HVCN1: variants seen among roughly 807,000 people sequenced by gnomAD.
HVCN1 encodes voltage-gated hydrogen channel 1.
Under a neutral mutation model 29.2 loss-of-function variants are expected in HVCN1, and 14 were observed. The ratio of observed to expected loss-of-function variants is 0.48; its 90% CI spans 0.32 to 0.75. HVCN1 has a LOEUF of 0.75. Among genes scored for constraint, HVCN1 ranks in the 30% least tolerant of loss-of-function variants. The probability of loss-of-function intolerance (pLI) is 0.04; values close to 1 mark genes in which losing one functional copy is unlikely to be tolerated. For missense variants in HVCN1, 263 were observed against 341.8 expected, an observed-to-expected ratio of 0.77 and a Z score of 1.82; for synonymous variants, 131 against 133.2, an observed-to-expected ratio of 0.98 and a Z score of 0.11.
chr12:110,666,707 C>T (rs2068373586), intron 3 of HVCN1, among the ~76,000 whole-genome samples: 1 of 152,144 alleles, frequency 6.6e-6, no homozygotes, highest in Non-Finnish European at 1.5e-5. Context: ...ACCTGGAATA[C>T]TCTTCTCCCC....
At chr12:110,653,537 A>T (rs2067883603) in intron 5 of HVCN1, among the ~76,000 whole-genome samples, 1 of 151,818 alleles carries the variant, frequency 6.6e-6, no homozygotes, top group Non-Finnish European at 1.5e-5. Flanking sequence ...GTTTGAAAAA[A>T]ACTGCCATTA....
intron 2 of HVCN1, among the ~76,000 whole-genome samples, chr12:110,699,713 G>A (rs558878547): frequency 1.3e-5 from 2 of 152,224 alleles, no homozygotes; most frequent in South Asian, 2.1e-4. Flanking sequence ...TCTCCTGGCC[G>A]TGTGCCAGGC....
At chr12:110,684,071 T>C (rs78269717) in intron 2 of HVCN1, among the ~76,000 whole-genome samples, 291 of 151,956 alleles carry the variant, frequency 1.9e-3, no homozygotes, top group African/African-American at 5.6e-3. Context: ...CGGAACAGGA[T>C]ATGAAATGTC....
In HVCN1 at chr12:110,661,371, G is replaced by A. The variant is rs199988627; in HGVS notation, c.99C>T (p.Asp33=). Reference sequence around the variant, plus strand: ...AGTTGATGTTCCAGGCATGGTAGTCGTCTCCCACGACCGTGAAGTGCCTTA... The same window carrying A: ...AGTTGATGTTCCAGGCATGGTAGTCATCTCCCACGACCGTGAAGTGCCTTA... ...KFLRHFTVVG[D]DYHAWNINYK... is the part of the protein sequence containing the mutation. Residue 33 remains aspartate (D), a synonymous_variant, in exon 4 of 8, where the codon GAC becomes GAT. Coordinates refer to ENST00000242607, the MANE Select transcript of HVCN1 (RefSeq NM_032369.4). The surrounding 1 kb of genome is among the most constrained non-coding windows in gnomAD (Gnocchi z 6.2). 30 of 1,614,140 alleles carry A rather than the reference G, an allele frequency of 1.9e-5. 1 individual carries two copies. Among genetic ancestry groups the A allele is most frequent in the South Asian group, 1.5e-4 (14 of 91,078 alleles).
At chr12:110,681,807 C>T (rs2032165344) in intron 3 of HVCN1, among the ~76,000 whole-genome samples, 1 of 152,152 alleles carries the variant, frequency 6.6e-6, no homozygotes, top group African/African-American at 2.4e-5. Flanking sequence ...TCAAGATGAA[C>T]AGCTGATGTG....
chr12:110,657,508 G>GAAAAAAAAAAA (rs529473919), intron 4 of HVCN1, among the ~76,000 whole-genome samples: 1 of 87,146 alleles, frequency 1.1e-5, no homozygotes, highest in Admixed American at 1.3e-4. Flanking sequence ...AAAGAAAAAA[G>GAAAAAAAAAAA]AAAAAAAAAA....
At chr12:110,678,854 C>G (rs1401133430) in intron 3 of HVCN1, among the ~76,000 whole-genome samples, 1 of 152,178 alleles carries the variant, frequency 6.6e-6, no homozygotes, top group Non-Finnish European at 1.5e-5. Context: ...CACGCTTTGC[C>G]TATTTCCCTG....
At chr12:110,691,890 C>A (rs893850486), upstream of HVCN1, among the ~76,000 whole-genome samples, 1 of 152,194 alleles carries the variant, frequency 6.6e-6, no homozygotes, top group African/African-American at 2.4e-5. Flanking sequence ...TGGCCTGGAA[C>A]CTGGGGCCAC....
chr12:110,654,911 C>G (rs1312639817), intron 5 of HVCN1, among the ~76,000 whole-genome samples: 3 of 152,126 alleles, frequency 2.0e-5, no homozygotes, highest in African/African-American at 4.8e-5. Flanking sequence ...CCTGATGGCC[C>G]AGCAAGGGGA....
chr12:110,674,117 G>A (rs531911882), intron 3 of HVCN1, among the ~76,000 whole-genome samples: 1 of 152,358 alleles, frequency 6.6e-6, no homozygotes, highest in Admixed American at 6.5e-5. Flanking sequence ...AAGACTATGG[G>A]AACCTACCTC....
chr12:110,692,462 G>A (rs1454761679), upstream of HVCN1, among the ~76,000 whole-genome samples: 1 of 152,220 alleles, frequency 6.6e-6, no homozygotes, highest in Non-Finnish European at 1.5e-5. Context: ...GCTCACACCT[G>A]TAGTCTGAGC....
intron 3 of HVCN1, among the ~76,000 whole-genome samples, chr12:110,668,834 G>A (rs1447885760): frequency 2.0e-5 from 3 of 152,164 alleles, no homozygotes; most frequent in South Asian, 2.1e-4. Flanking sequence ...CCTGCCTGAC[G>A]GTCCCACACT....
chr12:110,694,531 G>A (rs1593551562), upstream of HVCN1, among the ~76,000 whole-genome samples: 1 of 152,216 alleles, frequency 6.6e-6, no homozygotes, highest in South Asian at 2.1e-4. This position sits in a 1 kb window ranked among gnomAD's most constrained non-coding sequence, Gnocchi z 4.6. Flanking sequence ...AGTTATCAAC[G>A]GCTACAGTTG....
upstream of HVCN1, among the ~76,000 whole-genome samples, chr12:110,692,598 C>G (rs1375623401): frequency 6.6e-6 from 1 of 152,028 alleles, no homozygotes; most frequent in Non-Finnish European, 1.5e-5. Context: ...GTGGTGTGCC[C>G]CTGTAGTCCC....
intron 2 of HVCN1, among the ~76,000 whole-genome samples, chr12:110,687,265 C>CA (rs1285277226): frequency 6.7e-6 from 1 of 150,328 alleles, no homozygotes; most frequent in Non-Finnish European, 1.5e-5. Context: ...ACACCCCCCC[C>CA]CCCCAGCTAA....
chr12:110,649,204 A>G lies in HVCN1; in HGVS notation c.*206T>C, dbSNP rs2067661578. 1.5e-6 allele frequency: 1 copy of G among 682,294 alleles called. No homozygotes were observed. The highest frequency in any genetic ancestry group is 2.7e-6 in the Non-Finnish European group (1 of 375,786). 42.3% of individuals were successfully genotyped at this position (682,294 alleles called of 1,614,324 possible). A position where few individuals can be genotyped will look rare whatever the true frequency, so the allele number is the denominator to read the frequency against. On this transcript the variant is annotated 3_prime_UTR_variant, in exon 8 of 8. Coordinates refer to ENST00000242607, the MANE Select transcript of HVCN1 (RefSeq NM_032369.4). ...TGAGAAAATGTGATACATTTGATAC[A>G]GTGTGGGGTGGGAGTGGATGGGCAG...
chr12:110,668,991 C>T (rs762935399), intron 3 of HVCN1, among the ~76,000 whole-genome samples: 10 of 151,702 alleles, frequency 6.6e-5, no homozygotes, highest in Non-Finnish European at 1.3e-4. Context: ...GTCCTTGGGC[C>T]GGTGACTCTC....
chr12:110,694,953 G>A lies in HVCN1; in HGVS notation c.-103-6245C>T, dbSNP rs2069466069. On this transcript the variant is annotated intron_variant, in intron 2 of 4. Coordinates refer to the HVCN1 transcript ENST00000546713. This position sits in a 1 kb window ranked among gnomAD's most constrained non-coding sequence, Gnocchi z 4.6. ...CCTCAATGGTTTCCCTTGCCCGCTG[G>A]GTGATCTGTCATCAATTCAGCAAAG... 6.6e-6 allele frequency among the ~76,000 whole-genome samples: 1 copy of A among 152,178 alleles called. No individual in the cohort carries two copies. The highest frequency in any genetic ancestry group is 6.5e-5 in the Admixed American group (1 of 15,282).
rs900801302 is a variant in HVCN1, at chr12:110,686,207, G to A, written c.-20+2418C>T. The stretch of plus-strand genomic sequence containing the variant: ...TTTAGTAGAGACGGGGTTTTGCCAC[G>A]TTAGCCAGGCTGGTCTCAGACTCCT... On this transcript the variant is annotated intron_variant, in intron 2 of 7. Coordinates refer to ENST00000242607, the MANE Select transcript of HVCN1 (RefSeq NM_032369.4). Among the ~76,000 whole-genome samples the A allele has an allele frequency of 3.3e-5, 5 of 151,946 alleles. No individual in the cohort carries two copies. The South Asian group carries it at 6.2e-4, about 19-fold the overall frequency.
Sources: allele counts gnomAD v4.1 joint callset (sites outside exome capture counted in the v4.1 genomes callset), GRCh38; gene constraint gnomAD v4.1.1; non-coding constraint Gnocchi (gnomAD v3.1); transcripts MANE v1.5; gene names NCBI Gene and HGNC (gene_info 2026-07-23, HGNC 2026-07-21).